Variants in DACH1 observed in about 807,000 individuals in gnomAD.
DACH1 encodes the protein dachshund family transcription factor 1, also known as dachshund homolog 1.
Under a neutral mutation model 54.2 loss-of-function variants are expected in DACH1, and 12 were observed. That is an observed-to-expected ratio of 0.22 (90% CI 0.14 to 0.36). The LOEUF (loss-of-function observed/expected upper bound fraction) is 0.36, where lower values mean the gene tolerates loss of function less well. Ranked by LOEUF, DACH1 falls within the 10% of genes least tolerant of loss-of-function variation. The probability of loss-of-function intolerance (pLI) is 1.00; values close to 1 mark genes in which losing one functional copy is unlikely to be tolerated. For synonymous variants in DACH1, 386 were observed against 366.2 expected (o/e 1.05, Z -0.62); for missense variants, 805 against 929.8 (o/e 0.87, Z 1.75).
intron 6 of DACH1, among the ~76,000 whole-genome samples, chr13:71,504,522 AGG>A (rs1880160512): frequency 6.6e-6 from 1 of 152,140 alleles, no homozygotes; most frequent in Non-Finnish European, 1.5e-5. Context: ...GGAGGAACTG[AGG>A]AAAGGCAGCG....
intron 2 of DACH1, among the ~76,000 whole-genome samples, chr13:71,648,405 AAG>A (rs1303084735): frequency 6.6e-6 from 1 of 152,154 alleles, no homozygotes; most frequent in Non-Finnish European, 1.5e-5. Flanking sequence ...AGGCGACGAG[AAG>A]AGAGAAAGAG....
At chr13:71,447,463 G>T (rs1234055182) in intron 10 of DACH1, among the ~76,000 whole-genome samples, 2 of 152,084 alleles carry the variant, frequency 1.3e-5, no homozygotes, top group Non-Finnish European at 2.9e-5. Flanking sequence ...GTGGAATTTA[G>T]CTTTTATTCC....
chr13:71,658,331 C>T (rs1212364775), intron 2 of DACH1, among the ~76,000 whole-genome samples: 2 of 152,144 alleles, frequency 1.3e-5, no homozygotes, highest in Non-Finnish European at 2.9e-5. Context: ...GGGTGGATCA[C>T]CTATGTTCAG....
At chr13:71,584,950 C>T (rs917705604) in intron 3 of DACH1, among the ~76,000 whole-genome samples, 14 of 151,958 alleles carry the variant, frequency 9.2e-5, no homozygotes, top group Non-Finnish European at 2.1e-4. Context: ...CTATGGTGTA[C>T]AGGCCAAGGA....
In DACH1 at chr13:71,847,841, C is replaced by T. The variant is rs771598787; in HGVS notation, c.848+18081G>A. Among the ~76,000 whole-genome samples the T allele has an allele frequency of 4.1e-4, 62 of 152,190 alleles. No individual in the cohort carries two copies. In the Middle Eastern group the frequency reaches 0.014, roughly 33 times the overall value. ...CTGACAAAGGAAGAACAATAGTATTCGGATATAGGTAATATTATATTGATG... is the reference window on the plus strand; with the variant it reads ...CTGACAAAGGAAGAACAATAGTATTTGGATATAGGTAATATTATATTGATG... On this transcript the variant is annotated intron_variant, in intron 1 of 10. Transcript: ENST00000613252.
At chr13:71,852,714 T>C (rs928534705) in intron 1 of DACH1, among the ~76,000 whole-genome samples, 226 of 152,332 alleles carry the variant, frequency 1.5e-3, no homozygotes, top group African/African-American at 5.1e-3. Context: ...TTTTGCATAC[T>C]TGTTTCTAAT....
At chr13:71,552,384 C>T (rs561842128) in intron 6 of DACH1, among the ~76,000 whole-genome samples, 12 of 152,036 alleles carry the variant, frequency 7.9e-5, no homozygotes, top group African/African-American at 2.7e-4. Context: ...ATATTATAGG[C>T]TTATCTCCAT....
At chr13:71,858,430 T>C (rs1172204502) in intron 1 of DACH1, among the ~76,000 whole-genome samples, 1 of 151,786 alleles carries the variant, frequency 6.6e-6, no homozygotes, top group Non-Finnish European at 1.5e-5. Flanking sequence ...CAATGTACTA[T>C]GTGGCCTATT....
chr13:71,512,758 A>C (rs909745922), intron 6 of DACH1, among the ~76,000 whole-genome samples: 98 of 152,058 alleles, frequency 6.4e-4, no homozygotes, highest in African/African-American at 2.3e-3. Flanking sequence ...ATACATCCAT[A>C]GTTGCCAAAC....
At chr13:71,464,524 TTAAA>T (rs926159233) in intron 10 of DACH1, 3 of 400,880 alleles carry the variant, frequency 7.5e-6, no homozygotes, top group African/African-American at 2.1e-5. Context: ...TCATTAGCTC[TTAAA>T]TAAAACAAAG....
At chr13:71,800,433 C>A (rs572795860) in intron 1 of DACH1, among the ~76,000 whole-genome samples, 2 of 152,118 alleles carry the variant, frequency 1.3e-5, no homozygotes, top group African/African-American at 2.4e-5. Context: ...CTCAGTGAAG[C>A]CCTGTTTATA....
chr13:71,747,119 A>G (rs1884632704), intron 1 of DACH1, among the ~76,000 whole-genome samples: 1 of 152,132 alleles, frequency 6.6e-6, no homozygotes, highest in Non-Finnish European at 1.5e-5. Context: ...GATATATAAT[A>G]TCTATTTTCT....
intron 1 of DACH1, among the ~76,000 whole-genome samples, chr13:71,759,332 T>C (rs561564420): frequency 1.3e-5 from 2 of 152,234 alleles, no homozygotes; most frequent in African/African-American, 4.8e-5. Context: ...ATTTTAAATA[T>C]TGGTTTATAA....
intron 1 of DACH1, among the ~76,000 whole-genome samples, chr13:71,762,488 G>A (rs1438716906): frequency 6.6e-6 from 1 of 151,986 alleles, no homozygotes; most frequent in African/African-American, 2.4e-5. Context: ...GTCCGGCGTG[G>A]TGGCTCACTT....
chr13:71,510,149 C>T (rs1299016954), intron 6 of DACH1, among the ~76,000 whole-genome samples: 2 of 152,030 alleles, frequency 1.3e-5, no homozygotes, highest in East Asian at 1.9e-4. Context: ...ACCTCAATAG[C>T]AGCTTCTTCT....
chr13:71,798,473 T>C (rs1380533547), intron 1 of DACH1, among the ~76,000 whole-genome samples: 1 of 151,446 alleles, frequency 6.6e-6, no homozygotes, highest in African/African-American at 2.4e-5. Context: ...CATAATTTCG[T>C]CTAAAACCAT....
At chr13:71,676,340 C>T (rs984566173) in intron 2 of DACH1, among the ~76,000 whole-genome samples, 1 of 152,098 alleles carries the variant, frequency 6.6e-6, no homozygotes, top group Non-Finnish European at 1.5e-5. Context: ...GCCTCAGCCT[C>T]CCGAGTAGCT....
chr13:71,589,422 A>T (rs957616957), intron 3 of DACH1, among the ~76,000 whole-genome samples: 9 of 152,100 alleles, frequency 5.9e-5, no homozygotes, highest in Non-Finnish European at 5.9e-5. Context: ...TACCACAGAG[A>T]TTATTTCTTT....
chr13:71,624,043 T>C (rs955615369), intron 3 of DACH1, among the ~76,000 whole-genome samples: 11 of 152,066 alleles, frequency 7.2e-5, no homozygotes, highest in Admixed American at 7.2e-4. Flanking sequence ...CTGGTAATTC[T>C]CTATCTTGTT....
Sources: gnomAD v4.1 joint callset for allele counts (sites outside exome capture counted in the v4.1 genomes callset) on GRCh38, gnomAD v4.1.1 for gene constraint, MANE v1.5 for transcripts, NCBI Gene and HGNC (gene_info 2026-07-23, HGNC 2026-07-21) for gene names.